Variants in AMPH observed in about 807,000 individuals in gnomAD.
The protein encoded by AMPH is amphiphysin, also known as amphiphysin (Stiff-Mann syndrome with breast cancer 128kD autoantigen).
A neutral mutation model predicts 99.1 loss-of-function variants in AMPH; 49 were observed. The observed-to-expected ratio is 0.49, with a 90% CI of 0.39 to 0.63. The LOEUF (loss-of-function observed/expected upper bound fraction) is 0.63, where lower values mean the gene tolerates loss of function less well. Among genes scored for constraint, AMPH ranks in the 20% least tolerant of loss-of-function variants. The pLI is 0.00. For missense variants in AMPH, 759 were observed against 863.4 expected (o/e 0.88, Z 1.52); for synonymous variants, 314 against 317.3 (o/e 0.99, Z 0.11).
chr7:38,422,628 T>A, intron 15 of AMPH, 151 bp from the exon 16 acceptor site: 1 of 660,198 alleles, frequency 1.5e-6, no homozygotes, highest in Admixed American at 2.9e-5. Flanking sequence ...ACTCTATCTA[T>A]CTAATTTTTT....
chr7:38,477,652 C>T (rs747922062), intron 5 of AMPH, among the ~76,000 whole-genome samples: 3 of 152,034 alleles, frequency 2.0e-5, no homozygotes, highest in African/African-American at 7.2e-5. Context: ...AGGGGATAGG[C>T]GTAAAGCCCT....
intron 3 of AMPH, among the ~76,000 whole-genome samples, chr7:38,497,159 C>G (rs951649691): frequency 2.0e-5 from 3 of 152,084 alleles, no homozygotes; most frequent in Non-Finnish European, 4.4e-5. Flanking sequence ...AGGCTTCAAG[C>G]CTAGCTCCAG....
chr7:38,602,738 A>G (rs1022820902), intron 1 of AMPH, among the ~76,000 whole-genome samples: 2 of 152,224 alleles, frequency 1.3e-5, no homozygotes, highest in Non-Finnish European at 2.9e-5. Context: ...TTGAGAGTAC[A>G]TTATTCTGCC....
At chr7:38,387,073 A>G (rs958142911) in intron 20 of AMPH, among the ~76,000 whole-genome samples, 6 of 152,176 alleles carry the variant, frequency 3.9e-5, no homozygotes, top group African/African-American at 1.4e-4. Context: ...AAGGGTACAG[A>G]CCCACCCTAA....
rs146069785 is a variant in AMPH at position 38,493,988 on chromosome 7, G to T, written c.300+445C>A. Among the ~76,000 whole-genome samples the T allele has an allele frequency of 3.1e-4, 47 of 152,210 alleles. No individual in the cohort carries two copies. The East Asian group carries it at 8.5e-3, about 28-fold the overall frequency. On this transcript the variant is annotated intron_variant, in intron 4 of 20. Transcript: ENST00000356264. ...TTTATTTTCTTCGAGATGGAGTCTTGCTCTGTTGCCCAGGCTGGAGTACAG... is the reference window on the plus strand; with the variant it reads ...TTTATTTTCTTCGAGATGGAGTCTTTCTCTGTTGCCCAGGCTGGAGTACAG...
intron 1 of AMPH, among the ~76,000 whole-genome samples, chr7:38,555,934 G>A (rs1791346667): frequency 6.6e-6 from 1 of 152,040 alleles, no homozygotes; most frequent in African/African-American, 2.4e-5. Context: ...ACATAAAGAT[G>A]GCAACAACAG....
At chr7:38,610,679 A>G (rs1013358468) in intron 1 of AMPH, among the ~76,000 whole-genome samples, 2 of 152,068 alleles carry the variant, frequency 1.3e-5, no homozygotes, top group Non-Finnish European at 2.9e-5. Context: ...ATTTAGGGAG[A>G]CTCCATTGCC....
At position 38,600,980 on chromosome 7, in the gene AMPH, T is replaced by A. The variant is rs183341964; in HGVS notation, c.69+30303A>T. 2.9e-3 allele frequency among the ~76,000 whole-genome samples: 435 copies of A among 152,360 alleles called. 17 individuals carry two copies. The South Asian group carries it at 0.072, about 25-fold the overall frequency. ...ACTGTACTCAAAAGACGATTACAAA[T>A]GATTGCTCATTATGCCAGTTCACAT... is the stretch of plus-strand genomic sequence containing the variant. On this transcript the variant is annotated intron_variant, in intron 1 of 20. Coordinates refer to ENST00000356264, the MANE Select transcript of AMPH (RefSeq NM_001635.4).
intron 15 of AMPH, among the ~76,000 whole-genome samples, chr7:38,424,176 A>T (rs1785697761): frequency 6.6e-6 from 1 of 152,238 alleles, no homozygotes. Flanking sequence ...AAGATAAGCC[A>T]GAAAGTCCTG....
At chr7:38,440,314 C>A (rs1030964092) in intron 11 of AMPH, among the ~76,000 whole-genome samples, 1 of 152,144 alleles carries the variant, frequency 6.6e-6, no homozygotes, top group Non-Finnish European at 1.5e-5. Context: ...TAATTATATG[C>A]CCCTTGAAAA....
At chr7:38,446,260 T>A (rs1261375844) in intron 11 of AMPH, among the ~76,000 whole-genome samples, 3 of 152,210 alleles carry the variant, frequency 2.0e-5, no homozygotes, top group Non-Finnish European at 2.9e-5. Context: ...GTCAATTTTT[T>A]AAAAAATTAA....
intron 11 of AMPH, among the ~76,000 whole-genome samples, chr7:38,450,150 T>C (rs1308977591): frequency 6.6e-6 from 1 of 152,180 alleles, no homozygotes; most frequent in East Asian, 1.9e-4. Flanking sequence ...TATGGCGTGA[T>C]AAGCAGGGCT....
At chr7:38,559,359 T>G (rs904980252) in intron 1 of AMPH, among the ~76,000 whole-genome samples, 1 of 152,240 alleles carries the variant, frequency 6.6e-6, no homozygotes, top group African/African-American at 2.4e-5. Context: ...ATCTAATTTT[T>G]AGGCCGGAGA....
In AMPH at chr7:38,389,912, A is replaced by C. The variant is rs1050019520; in HGVS notation, c.1879-7T>G. The C allele has an allele frequency of 1.1e-5, 17 of 1,600,936 alleles. No individual in the cohort carries two copies. Among genetic ancestry groups the C allele is most frequent in the Non-Finnish European group, 1.5e-5 (17 of 1,169,396 alleles). Reference sequence around the variant, plus strand: ...AATCATGCAGTGTTTCCACCTGCAGAAGATAAGAATACATAAAAATCAATT... The same window carrying C: ...AATCATGCAGTGTTTCCACCTGCAGCAGATAAGAATACATAAAAATCAATT... On this transcript the variant is annotated splice_region_variant and splice_polypyrimidine_tract_variant and intron_variant, in intron 19 of 20. Transcript: ENST00000356264.
chr7:38,540,526 A>G (rs1454705167), intron 1 of AMPH, among the ~76,000 whole-genome samples: 1 of 151,868 alleles, frequency 6.6e-6, no homozygotes, highest in African/African-American at 2.4e-5. Context: ...TTCTCTTACC[A>G]TTTTAAGTTA....
In AMPH at chr7:38,577,828, G is replaced by A. The variant is rs538991861; in HGVS notation, c.70-42817C>T. Among the ~76,000 whole-genome samples the A allele has an allele frequency of 1.7e-4, 23 of 137,576 alleles. No individual in the cohort carries two copies. In the East Asian group the frequency reaches 1.9e-3, roughly 12 times the overall value. 90.3% of individuals were successfully genotyped at this position (137,576 alleles called of 152,430 possible). ...AGAAAGAAGACAGGAAGAAAGGAAG[G>A]AAAGGAGGAGGGAAGACGGAACATA... On this transcript the variant is annotated intron_variant, in intron 1 of 20. Transcript: ENST00000356264.
At chr7:38,433,744 A>AAAAAAAAAG (rs1562751901) in intron 12 of AMPH, among the ~76,000 whole-genome samples, 6 of 147,452 alleles carry the variant, frequency 4.1e-5, no homozygotes, top group African/African-American at 1.5e-4. Context: ...AAAAAAAAAA[A>AAAAAAAAAG]AAGAATCAAA....
chr7:38,440,370 A>G (rs1413910381), intron 11 of AMPH, among the ~76,000 whole-genome samples: 2 of 152,182 alleles, frequency 1.3e-5, no homozygotes, highest in Non-Finnish European at 2.9e-5. Flanking sequence ...GACAAACAAA[A>G]TCAGAAAGAA....
chr7:38,508,498 A>T (rs1191176212), intron 2 of AMPH, among the ~76,000 whole-genome samples: 2 of 152,192 alleles, frequency 1.3e-5, no homozygotes, highest in Non-Finnish European at 2.9e-5. Flanking sequence ...GGTATGGAAA[A>T]ATTTTTCATT....
Sources: gnomAD v4.1 joint callset for allele counts (sites outside exome capture counted in the v4.1 genomes callset) on GRCh38, gnomAD v4.1.1 for gene constraint, MANE v1.5 for transcripts, NCBI Gene and HGNC (gene_info 2026-07-23, HGNC 2026-07-21) for gene names.